Variants in ATE1 observed in about 807,000 individuals in gnomAD.
ATE1 encodes arginyl-tRNA--protein transferase 1.
A neutral mutation model predicts 70.5 loss-of-function variants in ATE1; 36 were observed. The ratio of observed to expected loss-of-function variants is 0.51; its 90% CI spans 0.39 to 0.67. ATE1 has a LOEUF of 0.67. Among genes scored for constraint, ATE1 ranks in the 30% least tolerant of loss-of-function variants. The pLI is 0.00. For synonymous variants in ATE1, 232 were observed against 219.3 expected, an observed-to-expected ratio of 1.06 and a Z score of -0.51; for missense variants, 593 against 629.5, an observed-to-expected ratio of 0.94 and a Z score of 0.62.
In ATE1 at chr10:121,805,382, G is replaced by C. The variant is rs990182079; in HGVS notation, c.1258-15093C>G. On this transcript the variant is annotated intron_variant, in intron 10 of 11. Transcript: ENST00000224652. ...ACAATAAGCTAGTATTTATTGAGTA[G>C]TTACTATAAGCTGAGCACTATCCTA... Among the ~76,000 whole-genome samples, 2 of 152,132 alleles carry C rather than the reference G, an allele frequency of 1.3e-5. 1 individual carries two copies. The highest frequency in any genetic ancestry group is 1.3e-4 in the Admixed American group (2 of 15,270).
At chr10:121,920,504 T>C (rs1305254926) in intron 3 of ATE1, among the ~76,000 whole-genome samples, 1 of 150,464 alleles carries the variant, frequency 6.6e-6, no homozygotes, top group Non-Finnish European at 1.5e-5. Flanking sequence ...CATTCCAGCC[T>C]GAGCAAGACC....
In ATE1 at chr10:121,833,312, AAAG is replaced by A. The variant is rs769515052; in HGVS notation, c.1257+3403_1257+3405del. On this transcript the variant is annotated intron_variant, in intron 10 of 11. Transcript: ENST00000224652. ...CAACAAATCTTTGTTAAAAAAAAAAAAAGAAGGCATTTCTCACTATCCTACATA... is the reference window on the plus strand; with the variant it reads ...CAACAAATCTTTGTTAAAAAAAAAAAAAGGCATTTCTCACTATCCTACATA... Among the ~76,000 whole-genome samples the A allele has an allele frequency of 3.9e-5, 6 of 152,276 alleles. No homozygotes were observed. In the South Asian group the frequency reaches 6.2e-4, roughly 16 times the overall value.
chr10:121,886,467 G>A (rs538357289), intron 7 of ATE1, among the ~76,000 whole-genome samples: 3 of 152,210 alleles, frequency 2.0e-5, no homozygotes, highest in African/African-American at 7.2e-5. Context: ...GTGTGGGTGT[G>A]TGCGTGAATA....
chr10:121,858,344 T>G (rs577111558), intron 8 of ATE1, among the ~76,000 whole-genome samples: 1 of 151,968 alleles, frequency 6.6e-6, no homozygotes, highest in East Asian at 1.9e-4. Flanking sequence ...GTTACCGTTT[T>G]CCATTTTTTT....
chr10:121,776,881 C>G (rs1945768468), intron 11 of ATE1, among the ~76,000 whole-genome samples: 1 of 152,176 alleles, frequency 6.6e-6, no homozygotes, highest in Non-Finnish European at 1.5e-5. Context: ...GTCTTCTGAT[C>G]ACAACAGTGA....
At chr10:121,893,190 T>C (rs1204625386) in intron 7 of ATE1, among the ~76,000 whole-genome samples, 1 of 151,212 alleles carries the variant, frequency 6.6e-6, no homozygotes, top group African/African-American at 2.4e-5. Context: ...GGCAGGAGAA[T>C]TGCTTAAATC....
intron 10 of ATE1, among the ~76,000 whole-genome samples, chr10:121,812,652 C>CA (rs1292490734): frequency 2.2e-4 from 33 of 152,064 alleles, no homozygotes; most frequent in Admixed American, 2.2e-3. Flanking sequence ...GAAGAATTTG[C>CA]AAAAAAAGAA....
intron 7 of ATE1, 143 bp downstream of exon 7, chr10:121,899,723 T>G: frequency 8.1e-7 from 1 of 1,239,780 alleles, no homozygotes. Context: ...GAATGTCCAT[T>G]AATTCAGTCT....
chr10:121,926,972 G>C (rs1169545388), intron 1 of ATE1: 1 of 985,376 alleles, frequency 1.0e-6, no homozygotes, highest in Non-Finnish European at 1.2e-6. Context: ...CACCGTTATC[G>C]ACCAAATCAT....
chr10:121,917,269 T>C (rs1405287146), intron 3 of ATE1, among the ~76,000 whole-genome samples: 1 of 152,134 alleles, frequency 6.6e-6, no homozygotes, highest in African/African-American at 2.4e-5. Context: ...CTCAAGTAGA[T>C]AAAAGCGATC....
intron 8 of ATE1, 75 bp from the exon 9 acceptor site, chr10:121,841,338 T>C: frequency 9.5e-7 from 1 of 1,054,796 alleles, no homozygotes; most frequent in Non-Finnish European, 1.2e-6. Context: ...ATACTTTCAT[T>C]TTCCTCAGGT....
At chr10:121,858,853 T>C (rs952543079) in intron 8 of ATE1, among the ~76,000 whole-genome samples, 1 of 151,888 alleles carries the variant, frequency 6.6e-6, no homozygotes, top group Non-Finnish European at 1.5e-5. Context: ...CCCAGCACTT[T>C]GGGATGCCGA....
chr10:121,923,962 T>C (rs1231670700), intron 2 of ATE1, among the ~76,000 whole-genome samples: 1 of 152,216 alleles, frequency 6.6e-6, no homozygotes, highest in African/African-American at 2.4e-5. Flanking sequence ...CCTACTGATG[T>C]AATTTGCTGT....
chr10:121,859,092 T>C (rs1949368897), intron 8 of ATE1, among the ~76,000 whole-genome samples: 2 of 151,162 alleles, frequency 1.3e-5, no homozygotes, highest in African/African-American at 4.9e-5. Flanking sequence ...CAAAACTCCG[T>C]CTCCAAAAAA....
At chr10:121,910,313 A>G (rs1305433732) in intron 5 of ATE1, among the ~76,000 whole-genome samples, 1 of 152,180 alleles carries the variant, frequency 6.6e-6, no homozygotes, top group Non-Finnish European at 1.5e-5. Flanking sequence ...CCAACTTCAC[A>G]TTTCACGAAA....
intron 7 of ATE1, among the ~76,000 whole-genome samples, chr10:121,887,027 G>A (rs558833015): frequency 6.6e-6 from 1 of 152,152 alleles, no homozygotes; most frequent in Non-Finnish European, 1.5e-5. Flanking sequence ...CCTTTAACAA[G>A]CAAAGAATCA....
At chr10:121,854,834 T>C (rs931333444) in intron 8 of ATE1, among the ~76,000 whole-genome samples, 1 of 152,082 alleles carries the variant, frequency 6.6e-6, no homozygotes, top group East Asian at 1.9e-4. Context: ...CAAGGCCCAA[T>C]ACAGAAGCCT....
At chr10:121,807,396 T>G (rs1396251247) in intron 10 of ATE1, among the ~76,000 whole-genome samples, 1 of 148,992 alleles carries the variant, frequency 6.7e-6, no homozygotes, top group African/African-American at 2.5e-5. Flanking sequence ...CACGGTTTAT[T>G]ACTTCATAGA....
intron 7 of ATE1, among the ~76,000 whole-genome samples, chr10:121,874,711 A>G (rs1949975531): frequency 1.3e-5 from 2 of 152,358 alleles, no homozygotes; most frequent in East Asian, 1.9e-4. Context: ...AACATCTTAA[A>G]AGATGACAAC....
Sources: gnomAD v4.1 joint callset for allele counts (sites outside exome capture counted in the v4.1 genomes callset) on GRCh38, gnomAD v4.1.1 for gene constraint, MANE v1.5 for transcripts, NCBI Gene and HGNC (gene_info 2026-07-23, HGNC 2026-07-21) for gene names.